CNOT10: variants seen among roughly 807,000 people sequenced by gnomAD.
CNOT10 encodes CCR4-NOT transcription complex subunit 10.
A neutral mutation model predicts 94.6 loss-of-function variants in CNOT10; 30 were observed. That is an observed-to-expected ratio of 0.32 (90% CI 0.24 to 0.43). The LOEUF is 0.43. CNOT10 is among the 20% of genes least tolerant of loss of function. The probability of loss-of-function intolerance (pLI) is 1.00; values close to 1 mark genes in which losing one functional copy is unlikely to be tolerated. For missense variants in CNOT10, 759 were observed against 877.2 expected, an observed-to-expected ratio of 0.87 and a Z score of 1.70; for synonymous variants, 289 against 301.6, an observed-to-expected ratio of 0.96 and a Z score of 0.43.
At chr3:32,695,968 A>AGTGTGT (rs764702440) in intron 1 of CNOT10, 5,240 of 432,296 alleles carry the variant, frequency 0.012, 83 homozygotes, top group African/African-American at 0.049. Flanking sequence ...TGTTGAAGAG[A>AGTGTGT]GTGTGTGTGT....
chr3:32,753,681 T>TA (rs1575292627), intron 13 of CNOT10: 1 of 1,583,534 alleles, frequency 6.3e-7, no homozygotes, highest in East Asian at 2.2e-5. Flanking sequence ...AATTAGTGGG[T>TA]AAAATCAAAG....
rs367828472 is a variant in CNOT10 at position 32,759,590 on chromosome 3, G to T, written c.1709+19G>T. ...CTCTTAAGTAAGTGTGACTTGCCCTGTGTGTCCCTGGTTTCTTTAGTTTTG... is the reference window on the plus strand; with the variant it reads ...CTCTTAAGTAAGTGTGACTTGCCCTTTGTGTCCCTGGTTTCTTTAGTTTTG... On this transcript the variant is annotated intron_variant, in intron 14 of 18. Transcript: ENST00000328834. 118 of 1,551,266 alleles carry T rather than the reference G, an allele frequency of 7.6e-5. No homozygotes were observed. The Middle Eastern group carries it at 1.0e-3, about 13-fold the overall frequency.
chr3:32,692,517 A>G (rs921988028), intron 1 of CNOT10, among the ~76,000 whole-genome samples: 2 of 152,244 alleles, frequency 1.3e-5, no homozygotes, highest in African/African-American at 2.4e-5. Context: ...TATAAAGTAC[A>G]TAATGTCAGG....
rs746318894 is a variant in CNOT10, at chr3:32,752,047, G to C, written c.1596-7411G>C. 2.3e-4 allele frequency among the ~76,000 whole-genome samples: 35 copies of C among 152,084 alleles called. 1 individual carries two copies. The highest frequency in any genetic ancestry group is 2.0e-3 in the Admixed American group (31 of 15,256). ...TGGCTCACTGTAATCCCAGCACTTC[G>C]GAAGTTCGAGGCAGGTGGATCACCT... On this transcript the variant is annotated intron_variant, in intron 13 of 18. Coordinates refer to ENST00000328834, the MANE Select transcript of CNOT10 (RefSeq NM_015442.3).
chr3:32,699,308 A>AT (rs1364201528), intron 1 of CNOT10, among the ~76,000 whole-genome samples: 1 of 152,148 alleles, frequency 6.6e-6, no homozygotes, highest in East Asian at 1.9e-4. Context: ...TGTTGTAAAT[A>AT]TTTTTCCACA....
intron 1 of CNOT10, among the ~76,000 whole-genome samples, chr3:32,703,281 A>G (rs1299054646): frequency 6.6e-6 from 1 of 152,052 alleles, no homozygotes; most frequent in Non-Finnish European, 1.5e-5. Context: ...TAGGAAGAAC[A>G]CAAGATGAAA....
intron 3 of CNOT10, among the ~76,000 whole-genome samples, chr3:32,706,939 G>A (rs979772263): frequency 6.6e-6 from 1 of 152,228 alleles, no homozygotes; most frequent in African/African-American, 2.4e-5. Flanking sequence ...CCACGTGGGT[G>A]GTTGACGTCT....
intron 4 of CNOT10, among the ~76,000 whole-genome samples, chr3:32,710,364 C>CCT (rs1355177676): frequency 6.6e-6 from 1 of 150,686 alleles, no homozygotes; most frequent in African/African-American, 2.4e-5. Context: ...AACCAAGTTT[C>CCT]CTCTTGTACA....
chr3:32,761,541 C>G (rs1428018577), intron 14 of CNOT10, among the ~76,000 whole-genome samples: 1 of 151,724 alleles, frequency 6.6e-6, no homozygotes, highest in East Asian at 1.9e-4. Flanking sequence ...TACAGGAGCC[C>G]ACCACCACAC....
At chr3:32,728,957 C>A (rs896227733) in intron 10 of CNOT10, among the ~76,000 whole-genome samples, 2 of 151,964 alleles carry the variant, frequency 1.3e-5, no homozygotes, top group South Asian at 2.1e-4. Context: ...AAAAATTAGC[C>A]GGGCGTTGTG....
intron 11 of CNOT10, among the ~76,000 whole-genome samples, chr3:32,734,419 G>A (rs777795141): frequency 1.3e-5 from 2 of 152,112 alleles, no homozygotes; most frequent in Non-Finnish European, 2.9e-5. Context: ...AGGCTCAAAC[G>A]TGAAAATCTG....
intron 13 of CNOT10, among the ~76,000 whole-genome samples, chr3:32,743,896 G>C (rs1699584839): frequency 6.6e-6 from 1 of 152,014 alleles, no homozygotes; most frequent in African/African-American, 2.4e-5. Flanking sequence ...GCTTCCATAG[G>C]GAATGCCGTC....
At chr3:32,752,830 A>G in intron 13 of CNOT10, 1 of 230,928 alleles carries the variant, frequency 4.3e-6, no homozygotes. Flanking sequence ...ACAAAAATTG[A>G]GAAGTTTCCC....
At chr3:32,732,371 A>G (rs1175415542) in intron 10 of CNOT10, among the ~76,000 whole-genome samples, 3 of 151,816 alleles carry the variant, frequency 2.0e-5, no homozygotes, top group Middle Eastern at 3.4e-3. Context: ...GCCTAAAGAA[A>G]AATTTTCCAG....
At chr3:32,748,907 C>T (rs113638688) in intron 13 of CNOT10, among the ~76,000 whole-genome samples, 3,308 of 150,972 alleles carry the variant, frequency 0.022, 48 homozygotes, top group East Asian at 0.048. Flanking sequence ...CTTTGCTCAC[C>T]CACCTCCGGG....
chr3:32,703,866 A>G lies in CNOT10; in HGVS notation c.23-2A>G. On this transcript the variant is annotated splice_acceptor_variant, in intron 1 of 18. Coordinates refer to ENST00000328834, the MANE Select transcript of CNOT10 (RefSeq NM_015442.3). LOFTEE classifies it high-confidence loss of function. Reference sequence around the variant, plus strand: ...AGAACTGTAAAATTTGTGTGTTTGCAGATCAGGGAGCAGAGAAACATGAAG... The same window carrying G: ...AGAACTGTAAAATTTGTGTGTTTGCGGATCAGGGAGCAGAGAAACATGAAG... 3 of 1,609,562 alleles carry G rather than the reference A, an allele frequency of 1.9e-6. No homozygotes were observed. The highest frequency in any genetic ancestry group is 2.6e-6 in the Non-Finnish European group (3 of 1,176,192).
At chr3:32,731,817 G>A (rs1575257079) in intron 10 of CNOT10, among the ~76,000 whole-genome samples, 2 of 152,170 alleles carry the variant, frequency 1.3e-5, no homozygotes, top group Middle Eastern at 6.8e-3. Context: ...AGTGGTTCAT[G>A]CCTGTATTCC....
chr3:32,698,359 GT>G (rs1697174824), intron 1 of CNOT10, among the ~76,000 whole-genome samples: 1 of 152,088 alleles, frequency 6.6e-6, no homozygotes, highest in African/African-American at 2.4e-5. Context: ...TCTTAGATGA[GT>G]TTTTTTAAGT....
intron 13 of CNOT10, chr3:32,753,929 C>CAA: frequency 9.3e-7 from 1 of 1,072,188 alleles, no homozygotes; most frequent in Non-Finnish European, 1.4e-6. Context: ...CACACACACA[C>CAA]ACACACAAAA....
Sources: gnomAD v4.1 joint callset for allele counts (sites outside exome capture counted in the v4.1 genomes callset) on GRCh38, gnomAD v4.1.1 for gene constraint, MANE v1.5 for transcripts, NCBI Gene and HGNC (gene_info 2026-07-23, HGNC 2026-07-21) for gene names.